The following CHN2 variants were observed in gnomAD, a reference collection of about 807,000 sequenced individuals.
The protein encoded by CHN2 is beta-chimaerin.
A neutral mutation model predicts 56.3 loss-of-function variants in CHN2; 35 were observed. That is an observed-to-expected ratio of 0.62 (90% CI 0.47 to 0.82). CHN2 has a LOEUF of 0.82. Ranked by LOEUF, CHN2 falls within the 40% of genes least tolerant of loss-of-function variation. The probability of loss-of-function intolerance (pLI) is 0.00; values close to 1 mark genes in which losing one functional copy is unlikely to be tolerated. For synonymous variants in CHN2, 210 were observed against 212.8 expected, an observed-to-expected ratio of 0.99 and a Z score of 0.12; for missense variants, 491 against 580.5, an observed-to-expected ratio of 0.85 and a Z score of 1.58.
intron 1 of CHN2, among the ~76,000 whole-genome samples, chr7:29,346,602 A>G (rs1797458791): frequency 6.6e-6 from 1 of 152,218 alleles, no homozygotes; most frequent in African/African-American, 2.4e-5. Context: ...ATGATGCCAT[A>G]TACACAGCTT....
At chr7:29,194,553 C>G (rs921863615), upstream of CHN2, 14 of 192,862 alleles carry the variant, frequency 7.3e-5, no homozygotes, top group South Asian at 2.4e-3. Context: ...GGTGCGGGAG[C>G]TGGCGGGGCG....
intron 3 of CHN2, among the ~76,000 whole-genome samples, chr7:29,379,518 T>G (rs934924157): frequency 6.6e-6 from 1 of 152,182 alleles, no homozygotes; most frequent in African/African-American, 2.4e-5. Context: ...GTTGGATTGA[T>G]GGATGGATAG....
chr7:29,457,085 G>A (rs777232870), intron 6 of CHN2, among the ~76,000 whole-genome samples: 2 of 152,128 alleles, frequency 1.3e-5, no homozygotes, highest in African/African-American at 4.8e-5. Flanking sequence ...CTGAGCTGTG[G>A]AATAGACATG....
chr7:29,296,755 T>C (rs1304778742), intron 1 of CHN2, among the ~76,000 whole-genome samples: 1 of 152,264 alleles, frequency 6.6e-6, no homozygotes, highest in Non-Finnish European at 1.5e-5. Context: ...GATAAAGTGC[T>C]CTAAATCTAT....
At chr7:29,413,711 C>T (rs1249419641) in intron 6 of CHN2, among the ~76,000 whole-genome samples, 1 of 152,206 alleles carries the variant, frequency 6.6e-6, no homozygotes, top group Admixed American at 6.5e-5. Flanking sequence ...ATTTCACGAA[C>T]AGCCAGTTGC....
chr7:29,360,203 AC>A (rs1335403404), intron 2 of CHN2, among the ~76,000 whole-genome samples: 2 of 152,206 alleles, frequency 1.3e-5, no homozygotes, highest in African/African-American at 4.8e-5. Flanking sequence ...GTGCCATTAG[AC>A]AAGATAATTA....
chr7:29,326,257 A>G (rs759294601), intron 1 of CHN2, among the ~76,000 whole-genome samples: 7 of 152,166 alleles, frequency 4.6e-5, no homozygotes, highest in Non-Finnish European at 1.0e-4. Flanking sequence ...TCCTGGGTTA[A>G]AGCGATTCTC....
chr7:29,374,084 T>C (rs1451058672), intron 3 of CHN2, among the ~76,000 whole-genome samples: 1 of 152,220 alleles, frequency 6.6e-6, no homozygotes, highest in Non-Finnish European at 1.5e-5. Flanking sequence ...CAGAAGGCTA[T>C]TTCTTCCCTT....
At chr7:29,378,680 G>T (rs889332534) in intron 3 of CHN2, among the ~76,000 whole-genome samples, 2 of 152,140 alleles carry the variant, frequency 1.3e-5, no homozygotes, top group Non-Finnish European at 2.9e-5. Flanking sequence ...TAAAGAGTGA[G>T]TTAGGCCACG....
intron 6 of CHN2, among the ~76,000 whole-genome samples, chr7:29,451,169 C>T (rs977781371): frequency 3.3e-5 from 5 of 152,148 alleles, no homozygotes; most frequent in African/African-American, 9.7e-5. Context: ...CAAGTAAGAA[C>T]AGATGGTAAA....
intron 1 of CHN2, among the ~76,000 whole-genome samples, chr7:29,301,477 G>T (rs986686316): frequency 2.6e-5 from 4 of 151,908 alleles, no homozygotes; most frequent in African/African-American, 9.7e-5. Flanking sequence ...TGGCCTTTCT[G>T]TTGTGTCCTG....
At chr7:29,233,624 C>G (rs1009718660) in intron 1 of CHN2, among the ~76,000 whole-genome samples, 3 of 151,820 alleles carry the variant, frequency 2.0e-5, no homozygotes, top group African/African-American at 7.3e-5. Context: ...TCACAAGGGT[C>G]CTTTAAATGT....
chr7:29,317,815 C>T (rs1264659129), intron 1 of CHN2, among the ~76,000 whole-genome samples: 1 of 152,020 alleles, frequency 6.6e-6, no homozygotes, highest in Non-Finnish European at 1.5e-5. Context: ...ATGGAGGAGG[C>T]CTGTCTCTAC....
At chr7:29,414,406 A>T (rs994370289) in intron 6 of CHN2, among the ~76,000 whole-genome samples, 1 of 152,140 alleles carries the variant, frequency 6.6e-6, no homozygotes, top group African/African-American at 2.4e-5. Context: ...CGGGGTATTG[A>T]CCACATACCA....
intron 6 of CHN2, among the ~76,000 whole-genome samples, chr7:29,425,631 G>T (rs1317874399): frequency 6.6e-6 from 1 of 152,096 alleles, no homozygotes; most frequent in Admixed American, 6.5e-5. Flanking sequence ...GGGTATTCGG[G>T]TAGGTGTTCT....
chr7:29,512,663 CA>C lies in CHN2; in HGVS notation c.1336del (p.Thr446ProfsTer10). 6.2e-7 allele frequency: 1 copy of C among 1,614,146 alleles called. No homozygotes were observed. Among genetic ancestry groups the C allele is most frequent in the Non-Finnish European group, 8.5e-7 (1 of 1,180,014 alleles). ...MRPPEDSTLT[T>X]LHDMRYQKLI... ...GGCCCCCTGAGGACAGCACCCTGAC[CA>C]CCCTGCATGATATGCGGTACCAAAA... On this transcript the variant is annotated frameshift_variant, in exon 13 of 13. Transcript: ENST00000222792. LOFTEE classifies it high-confidence loss of function.
chr7:29,221,054 C>T (rs567299033), intron 1 of CHN2, among the ~76,000 whole-genome samples: 10 of 152,000 alleles, frequency 6.6e-5, no homozygotes, highest in South Asian at 2.1e-4. Context: ...AATTTGATTC[C>T]GCACTTGGTT....
At chr7:29,472,775 T>C (rs1322557600) in intron 6 of CHN2, among the ~76,000 whole-genome samples, 1 of 152,170 alleles carries the variant, frequency 6.6e-6, no homozygotes, top group Non-Finnish European at 1.5e-5. Flanking sequence ...TCTTCTTTTA[T>C]AGGTAGGTTA....
chr7:29,422,451 C>T (rs745520840), intron 6 of CHN2, among the ~76,000 whole-genome samples: 1 of 152,162 alleles, frequency 6.6e-6, no homozygotes, highest in Non-Finnish European at 1.5e-5. Context: ...TGATCAAGGT[C>T]AAATTTTAAA....
Sources: allele counts gnomAD v4.1 joint callset (sites outside exome capture counted in the v4.1 genomes callset), GRCh38; gene constraint gnomAD v4.1.1; transcripts MANE v1.5; gene names NCBI Gene and HGNC (gene_info 2026-07-23, HGNC 2026-07-21).